Variants in PSPC1 observed in about 807,000 individuals in gnomAD.
PSPC1 encodes the protein paraspeckle component 1, also known as paraspeckle protein 1.
Under a neutral mutation model 51.6 loss-of-function variants are expected in PSPC1, and 14 were observed. The ratio of observed to expected loss-of-function variants is 0.27; its 90% CI spans 0.18 to 0.42. PSPC1 has a LOEUF of 0.42. Among genes scored for constraint, PSPC1 ranks in the 10% least tolerant of loss-of-function variants. The pLI is 1.00. For synonymous variants in PSPC1, 193 were observed against 231.9 expected (o/e 0.83, Z 1.53); for missense variants, 406 against 701.1 (o/e 0.58, Z 4.75).
chr13:19,776,776 G>A (rs893371672), intron 1 of PSPC1, among the ~76,000 whole-genome samples: 25 of 151,068 alleles, frequency 1.7e-4, no homozygotes, highest in Middle Eastern at 3.4e-3. Context: ...CAAAGTTCTG[G>A]GATTACAGGC....
intron 6 of PSPC1, among the ~76,000 whole-genome samples, chr13:19,683,340 C>G (rs116421219): frequency 6.6e-6 from 1 of 152,130 alleles, no homozygotes; most frequent in Non-Finnish European, 1.5e-5. Context: ...AGAATGAGAA[C>G]CACGTACTGA....
intron 3 of PSPC1, among the ~76,000 whole-genome samples, chr13:19,757,483 A>G (rs1396584752): frequency 2.0e-5 from 3 of 152,184 alleles, no homozygotes; most frequent in Non-Finnish European, 2.9e-5. Flanking sequence ...TGCCTCCCAT[A>G]AAGATTTATG....
intron 2 of PSPC1, among the ~76,000 whole-genome samples, chr13:19,759,642 T>C (rs1443698269): frequency 1.3e-5 from 2 of 151,760 alleles, no homozygotes; most frequent in African/African-American, 2.4e-5. Flanking sequence ...GGGCACATCA[T>C]TTGAGGTCAG....
chr13:19,699,776 T>C (rs1879680964), downstream of PSPC1, among the ~76,000 whole-genome samples: 1 of 152,044 alleles, frequency 6.6e-6, no homozygotes, highest in Non-Finnish European at 1.5e-5. Context: ...CATGAATAAC[T>C]GTTGAATTAG....
At chr13:19,759,811 A>C (rs1209976770) in intron 2 of PSPC1, among the ~76,000 whole-genome samples, 1 of 151,690 alleles carries the variant, frequency 6.6e-6, no homozygotes, top group Non-Finnish European at 1.5e-5. Flanking sequence ...GAAGTGAGTC[A>C]AGATCGCATC....
intron 4 of PSPC1, among the ~76,000 whole-genome samples, chr13:19,742,372 G>A (rs1391659179): frequency 1.2e-4 from 18 of 152,106 alleles, no homozygotes; most frequent in Non-Finnish European, 2.2e-4. Flanking sequence ...GGGAGGCCGA[G>A]GCAGGCGGAT....
downstream of PSPC1, chr13:19,673,145 C>G: frequency 2.2e-6 from 1 of 453,108 alleles, no homozygotes; most frequent in South Asian, 1.6e-5. Flanking sequence ...TTTTGAACAC[C>G]GACTGGGAAG....
At chr13:19,677,896 TAACTC>T (rs1876847426) in intron 6 of PSPC1, 2 of 453,432 alleles carry the variant, frequency 4.4e-6, no homozygotes, top group Admixed American at 2.4e-5. Flanking sequence ...AAATCAGAGT[TAACTC>T]ATTTAGTAAA....
At chr13:19,706,918 T>C (rs1326467930) in intron 7 of PSPC1, among the ~76,000 whole-genome samples, 3 of 152,148 alleles carry the variant, frequency 2.0e-5, no homozygotes, top group African/African-American at 4.8e-5. Flanking sequence ...AGCAAATTCA[T>C]AGGAAGGAAT....
chr13:19,756,093 T>C (rs1488892220), intron 3 of PSPC1, among the ~76,000 whole-genome samples: 1 of 151,894 alleles, frequency 6.6e-6, no homozygotes, highest in Non-Finnish European at 1.5e-5. Context: ...AAAAATTAGC[T>C]GGGTGTGGTG....
At chr13:19,690,500 A>G (rs1163123649) in intron 6 of PSPC1, among the ~76,000 whole-genome samples, 1 of 152,238 alleles carries the variant, frequency 6.6e-6, no homozygotes. Flanking sequence ...GAAACTTATA[A>G]AACCAGTAGC....
intron 6 of PSPC1, among the ~76,000 whole-genome samples, chr13:19,693,254 T>C: frequency 6.6e-6 from 1 of 152,220 alleles, no homozygotes; most frequent in East Asian, 1.9e-4. Flanking sequence ...GCTATCATCT[T>C]AGTGAAATCT....
At chr13:19,738,218 T>C (rs1885053282) in intron 5 of PSPC1, among the ~76,000 whole-genome samples, 1 of 152,194 alleles carries the variant, frequency 6.6e-6, no homozygotes, top group Non-Finnish European at 1.5e-5. Flanking sequence ...TACCTCTGAT[T>C]CAAATCACAC....
intron 5 of PSPC1, among the ~76,000 whole-genome samples, chr13:19,741,139 G>A (rs1285767686): frequency 6.6e-6 from 1 of 152,112 alleles, no homozygotes; most frequent in African/African-American, 2.4e-5. Context: ...CTCCCAAAGT[G>A]CTGGAATTAC....
chr13:19,733,274 G>A (rs181853356), intron 5 of PSPC1, among the ~76,000 whole-genome samples: 14 of 152,258 alleles, frequency 9.2e-5, no homozygotes, highest in Non-Finnish European at 1.8e-4. Flanking sequence ...GAATGTCTGC[G>A]ATGCAAATGT....
intron 6 of PSPC1, among the ~76,000 whole-genome samples, chr13:19,686,964 A>C (rs1877960016): frequency 6.6e-6 from 1 of 152,148 alleles, no homozygotes; most frequent in African/African-American, 2.4e-5. Context: ...TGGGAGGCCA[A>C]GGTGGGCGGA....
intron 6 of PSPC1, among the ~76,000 whole-genome samples, chr13:19,695,589 A>G (rs1879108873): frequency 6.6e-6 from 1 of 152,208 alleles, no homozygotes; most frequent in Non-Finnish European, 1.5e-5. Context: ...ATGGCTGCCC[A>G]GTAAGGTAAT....
At chr13:19,708,013 G>GT (rs1381460016) in intron 7 of PSPC1, among the ~76,000 whole-genome samples, 4 of 152,072 alleles carry the variant, frequency 2.6e-5, no homozygotes, top group Non-Finnish European at 5.9e-5. Context: ...ATTATTTCAC[G>GT]TATCCACTGC....
intron 2 of PSPC1, among the ~76,000 whole-genome samples, chr13:19,767,554 T>C (rs1398819222): frequency 1.3e-5 from 2 of 152,172 alleles, no homozygotes; most frequent in African/African-American, 2.4e-5. Flanking sequence ...ATGATTATAC[T>C]ACCTGATTTC....
Sources: gnomAD v4.1 joint callset for allele counts (sites outside exome capture counted in the v4.1 genomes callset) on GRCh38, gnomAD v4.1.1 for gene constraint, MANE v1.5 for transcripts, NCBI Gene and HGNC (gene_info 2026-07-23, HGNC 2026-07-21) for gene names.